The following VWF variants were observed in gnomAD, a reference collection of about 807,000 sequenced individuals.
VWF encodes the protein von Willebrand factor, also known as Factor VIII related antigen.
In VWF, 176 loss-of-function variants were observed where a neutral mutation model predicts 308.6. The observed-to-expected ratio is 0.57, with a 90% CI of 0.50 to 0.65. The LOEUF (loss-of-function observed/expected upper bound fraction) is 0.65, where lower values mean the gene tolerates loss of function less well. Among genes scored for constraint, VWF ranks in the 30% least tolerant of loss-of-function variants. The pLI, the probability that VWF is intolerant of heterozygous loss-of-function variation, is 0.00. For missense variants in VWF, 3,146 were observed against 3,648.2 expected, an observed-to-expected ratio of 0.86 and a Z score of 3.55; for synonymous variants, 1,385 against 1,443.4, an observed-to-expected ratio of 0.96 and a Z score of 0.92.
chr12:6,117,522 G>A lies in VWF; in HGVS notation c.220+3652C>T, dbSNP rs139378735. ...GCTTGGCTAAGCAGTCACATTTTCA[G>A]ATAACCTGTCTCCCTTGATGCTCAC... On this transcript the variant is annotated intron_variant, in intron 3 of 51. Transcript: ENST00000261405. Among the ~76,000 whole-genome samples, 334 of 152,340 alleles carry A rather than the reference G, an allele frequency of 2.2e-3. 1 individual carries two copies. Among genetic ancestry groups the A allele is most frequent in the African/African-American group, 7.6e-3 (315 of 41,578 alleles).
chr12:6,074,988 C>A (rs1944825164), intron 7 of VWF, among the ~76,000 whole-genome samples: 1 of 151,736 alleles, frequency 6.6e-6, no homozygotes, highest in East Asian at 1.9e-4. Context: ...GGCGGGCAGG[C>A]GGTGAAGACA....
intron 34 of VWF, among the ~76,000 whole-genome samples, chr12:6,011,387 G>A (rs1004594139): frequency 2.0e-5 from 3 of 152,204 alleles, no homozygotes; most frequent in Non-Finnish European, 2.9e-5. Flanking sequence ...CATAATCTGG[G>A]GAAGTGCCTT....
At position 6,065,137 on chromosome 12, in the gene VWF, C is replaced by A; in HGVS notation, c.1293G>T (p.Gln431His). 6.2e-7 allele frequency: 1 copy of A among 1,614,216 alleles called. No homozygotes were observed. The highest frequency in any genetic ancestry group is 8.5e-7 in the Non-Finnish European group (1 of 1,180,052). The change falls in exon 11 of 52, where the codon CAG becomes CAT. Residue 431 changes from glutamine to histidine, a missense_variant and splice_region_variant. Gln to His is a conservative substitution (Grantham distance 24). Transcript: ENST00000261405. ...CAGCAGCCGGGCTGGCAAAGCTCAC[C>A]TGGACAGTCTCAATGACAATGGAGA... Reference protein sequence around the residue: ...HSFSIVIETVQCADDRDAVCT... With the variant: ...HSFSIVIETVHCADDRDAVCT...
chr12:6,112,852 A>ACACACACACCCC (rs1488406586), intron 3 of VWF, among the ~76,000 whole-genome samples: 9 of 147,206 alleles, frequency 6.1e-5, no homozygotes, highest in African/African-American at 2.3e-4. Context: ...ACACACACAC[A>ACACACACACCCC]CCACACGCAC....
intron 19 of VWF, 70 bp from the exon 20 acceptor site, chr12:6,034,896 G>C (rs1944318094): frequency 6.3e-7 from 1 of 1,589,160 alleles, no homozygotes; most frequent in Non-Finnish European, 8.6e-7. Flanking sequence ...GGGCCATGGA[G>C]GCAATGAAGG....
rs192374602 is a variant in VWF, at chr12:5,994,421, G to C, written c.6250C>G (p.Leu2084Val). The C allele has an allele frequency of 1.3e-4, 213 of 1,614,174 alleles. No homozygotes were observed. Among genetic ancestry groups the C allele is most frequent in the Non-Finnish European group, 1.7e-4 (198 of 1,180,034 alleles). Residue 2084 changes from leucine to valine, a missense_variant, in exon 36 of 52, where the codon CTG becomes GTG. Physicochemically the swap from Leu to Val is conservative, Grantham distance 32. Transcript: ENST00000261405. ...GTTGAGAAAATGTTCTTACCACACA[G>C]ACCATACGTCTTTGAAGCAAAAGTC... ...PKTFASKTYG[L>V]CGICDENGAN...
chr12:6,064,847 G>A (rs983673004), intron 11 of VWF, among the ~76,000 whole-genome samples: 1 of 152,190 alleles, frequency 6.6e-6, no homozygotes, highest in Non-Finnish European at 1.5e-5. Flanking sequence ...CAGAGGGTTA[G>A]TTATGGGGGC....
chr12:6,123,982 G>T (rs1168346726), intron 1 of VWF, among the ~76,000 whole-genome samples: 1 of 152,112 alleles, frequency 6.6e-6, no homozygotes, highest in African/African-American at 2.4e-5. Context: ...TTCACTGGGG[G>T]TGACTCCCTT....
intron 10 of VWF, among the ~76,000 whole-genome samples, chr12:6,069,157 A>G (rs1256185546): frequency 6.6e-6 from 1 of 152,086 alleles, no homozygotes; most frequent in Non-Finnish European, 1.5e-5. Flanking sequence ...TGCCTGGCAT[A>G]AGATACATTT....
intron 6 of VWF, among the ~76,000 whole-genome samples, chr12:6,086,677 G>A (rs193152337): frequency 5.9e-5 from 9 of 152,272 alleles, no homozygotes; most frequent in African/African-American, 1.7e-4. Context: ...ACCCAAGTCC[G>A]CTGGGCTTAC....
At position 6,046,995 on chromosome 12, in the gene VWF, G is replaced by T. The variant is rs1173664167; in HGVS notation, c.2187-178C>A. Among the ~76,000 whole-genome samples, 2 of 152,080 alleles carry T rather than the reference G, an allele frequency of 1.3e-5. No individual in the cohort carries two copies. The highest frequency in any genetic ancestry group is 2.9e-5 in the Non-Finnish European group (2 of 68,020). On this transcript the variant is annotated intron_variant, in intron 16 of 51. Coordinates refer to ENST00000261405, the MANE Select transcript of VWF (RefSeq NM_000552.5). This position sits in a 1 kb window ranked among gnomAD's most constrained non-coding sequence, Gnocchi z 5.0. ...TGATCCCCACGTCACTAAATCCCATGGGACTTTTTTCAGTTATTTGCTTAA... is the reference window on the plus strand; with the variant it reads ...TGATCCCCACGTCACTAAATCCCATTGGACTTTTTTCAGTTATTTGCTTAA...
At chr12:5,977,598 G>A (rs558629190) in intron 42 of VWF, among the ~76,000 whole-genome samples, 3 of 152,074 alleles carry the variant, frequency 2.0e-5, no homozygotes, top group East Asian at 1.9e-4. Flanking sequence ...GGCTGGGCAC[G>A]GTGGCTGATG....
intron 3 of VWF, among the ~76,000 whole-genome samples, chr12:6,119,200 G>A (rs902425749): frequency 7.2e-5 from 11 of 152,212 alleles, no homozygotes; most frequent in Non-Finnish European, 1.6e-4. Flanking sequence ...CGATGGTACA[G>A]CCTCCCAGCC....
intron 3 of VWF, among the ~76,000 whole-genome samples, chr12:6,113,969 C>T (rs1347581929): frequency 1.3e-5 from 2 of 152,228 alleles, no homozygotes; most frequent in East Asian, 1.9e-4. Flanking sequence ...AATGAGCCCA[C>T]GAGGTCTGGG....
chr12:6,066,475 G>A (rs974112548), intron 10 of VWF, among the ~76,000 whole-genome samples: 27 of 152,198 alleles, frequency 1.8e-4, no homozygotes, highest in African/African-American at 5.1e-4. Context: ...GTCACTCTAC[G>A]GTGCATGTGT....
At position 6,020,049 on chromosome 12, in the gene VWF, T is replaced by C. The variant is rs556283921; in HGVS notation, c.3675-306A>G. 6.6e-6 allele frequency among the ~76,000 whole-genome samples: 1 copy of C among 152,360 alleles called. No homozygotes were observed. Among genetic ancestry groups the C allele is most frequent in the African/African-American group, 2.4e-5 (1 of 41,580 alleles). On this transcript the variant is annotated intron_variant, in intron 27 of 51. Coordinates refer to ENST00000261405, the MANE Select transcript of VWF (RefSeq NM_000552.5). This position sits in a 1 kb window ranked among gnomAD's most constrained non-coding sequence, Gnocchi z 4.3. ...TGTTCTAGGCCATCCACACAACCAC[T>C]CAAAGCTGATTTCTTTTCAACCTAC...
chr12:5,988,997 T>C (rs1943709246), intron 38 of VWF, among the ~76,000 whole-genome samples: 1 of 152,088 alleles, frequency 6.6e-6, no homozygotes, highest in African/African-American at 2.4e-5. Flanking sequence ...CACCAGCCAA[T>C]GTGATGGGGG....
In VWF at chr12:6,011,712, C is replaced by T. The variant is rs772331230; in HGVS notation, c.5747G>A (p.Arg1916Gln). ...CCTCAGCCCCCGGTCACAGTTGACC[C>T]GATGACTCTTCAGCAAGGTCTGGCC... ...PDGQTLLKSH[R>Q]VNCDRGLRPS... Residue 1916 changes from arginine (R) to glutamine (Q), a missense_variant, in exon 34 of 52, where the codon CGG becomes CAG. Physicochemically the swap from Arg to Gln is conservative, Grantham distance 43. Coordinates refer to ENST00000261405, the MANE Select transcript of VWF (RefSeq NM_000552.5). 3.7e-6 allele frequency: 6 copies of T among 1,613,742 alleles called. No individual in the cohort carries two copies. Among genetic ancestry groups the T allele is most frequent in the Admixed American group, 1.7e-5 (1 of 59,998 alleles).
intron 16 of VWF, among the ~76,000 whole-genome samples, chr12:6,048,612 A>G (rs1239778663): frequency 6.6e-6 from 1 of 152,082 alleles, no homozygotes; most frequent in Non-Finnish European, 1.5e-5. Flanking sequence ...ACAGGCACAC[A>G]TCACCATGCC....
Sources: gnomAD v4.1 joint callset for allele counts (sites outside exome capture counted in the v4.1 genomes callset) on GRCh38, gnomAD v4.1.1 for gene constraint, Gnocchi (gnomAD v3.1) non-coding constraint, MANE v1.5 for transcripts, NCBI Gene and HGNC (gene_info 2026-07-23, HGNC 2026-07-21) for gene names.